Variants in LINGO2 observed in about 807,000 individuals in gnomAD.
The protein encoded by LINGO2 is leucine rich repeat and Ig domain containing 2, also known as leucine-rich repeat and immunoglobulin-like domain-containing nogo receptor-interacting protein 2.
In LINGO2, 14 loss-of-function variants were observed where a neutral mutation model predicts 30.6. That is an observed-to-expected ratio of 0.46 (90% confidence interval 0.30 to 0.72). The LOEUF is 0.72. Among genes scored for constraint, LINGO2 ranks in the 30% least tolerant of loss-of-function variants. LINGO2 has a pLI of 0.07. For synonymous variants in LINGO2, 317 were observed against 288.5 expected (o/e 1.10, Z -1.00); for missense variants, 729 against 751.7 (o/e 0.97, Z 0.35).
intron 1 of LINGO2, among the ~76,000 whole-genome samples, chr9:28,547,869 G>C (rs2135488198): frequency 6.6e-6 from 1 of 152,172 alleles, no homozygotes; most frequent in Admixed American, 6.5e-5. Flanking sequence ...AGAAAATAGG[G>C]GGAAGAGCAT....
intron 1 of LINGO2, among the ~76,000 whole-genome samples, chr9:28,536,582 T>G (rs1175579542): frequency 6.6e-6 from 1 of 152,086 alleles, no homozygotes; most frequent in African/African-American, 2.4e-5. Flanking sequence ...GATGATTGCA[T>G]GGGTCGCTGA....
chr9:28,430,109 C>CGCGCGTGTGTGTGT (rs569701444), intron 2 of LINGO2, among the ~76,000 whole-genome samples: 78 of 136,204 alleles, frequency 5.7e-4, no homozygotes, highest in South Asian at 2.0e-3. Context: ...CGCGCGCGCG[C>CGCGCGTGTGTGTGT]GTGTGTGTGT....
Position 28,102,677 on chromosome 9 carries a change from TA to T in LINGO2, c.-86-90273del, listed in dbSNP as rs1826452591. 3.9e-5 allele frequency among the ~76,000 whole-genome samples: 6 copies of T among 152,236 alleles called. No individual in the cohort carries two copies. The South Asian group carries it at 1.2e-3, about 32-fold the overall frequency. On this transcript the variant is annotated intron_variant, in intron 4 of 5. Transcript: ENST00000379992. Reference sequence around the variant, plus strand: ...CACTTACAACCCACAGTATCAGTGATAAATTGGGCATCCCAAACCATAAAGA... The same window carrying T: ...CACTTACAACCCACAGTATCAGTGATAATTGGGCATCCCAAACCATAAAGA...
intron 1 of LINGO2, among the ~76,000 whole-genome samples, chr9:28,544,082 A>G (rs867322435): frequency 6.6e-6 from 1 of 151,980 alleles, no homozygotes; most frequent in Non-Finnish European, 1.5e-5. Flanking sequence ...GTCTACCTGT[A>G]GTCCCAGCTG....
Position 28,581,243 on chromosome 9 carries a change from C to CTG in LINGO2, c.-365+88955_-365+88956dup, listed in dbSNP as rs137910018. Among the ~76,000 whole-genome samples the CTG allele has an allele frequency of 8.4e-3, 1,261 of 150,438 alleles. 16 individuals carry two copies. The highest frequency in any genetic ancestry group is 0.027 in the African/African-American group (1,126 of 41,220). ...AAACATTGTGTGCATTTGTGTGCCT[C>CTG]TGTGTGTGTGTGTGTGTTTAATGCC... is the stretch of plus-strand genomic sequence containing the variant. On this transcript the variant is annotated intron_variant, in intron 1 of 5. Coordinates refer to ENST00000379992, the Ensembl canonical transcript of LINGO2.
the LINGO2 span, among the ~76,000 whole-genome samples, chr9:29,095,724 G>A: frequency 7.2e-6 from 1 of 139,114 alleles, no homozygotes; most frequent in Non-Finnish European, 1.6e-5. Flanking sequence ...TGTTGGGACT[G>A]GGAGTCCTTC....
At chr9:29,004,780 C>T in the LINGO2 span, among the ~76,000 whole-genome samples, 3 of 151,642 alleles carry the variant, frequency 2.0e-5, no homozygotes, top group African/African-American at 7.3e-5. Context: ...ACACACAAAA[C>T]ATCAAGAAAT....
At chr9:28,836,842 ATAAG>A in the LINGO2 span, among the ~76,000 whole-genome samples, 230 of 152,312 alleles carry the variant, frequency 1.5e-3, no homozygotes, top group African/African-American at 5.3e-3. Context: ...ATAAAAACAA[ATAAG>A]TAAGAAAAAA....
chr9:29,147,162 T>C, the LINGO2 span, among the ~76,000 whole-genome samples: 3 of 152,112 alleles, frequency 2.0e-5, no homozygotes, highest in Non-Finnish European at 4.4e-5. Flanking sequence ...ATATTGCATA[T>C]TTAGTATTAA....
Position 28,184,114 on chromosome 9 carries a change from T to G in LINGO2, c.-87+111094A>C, listed in dbSNP as rs12683449. On this transcript the variant is annotated intron_variant, in intron 4 of 5. Coordinates refer to ENST00000379992, the Ensembl canonical transcript of LINGO2. ...AAGATCAACAAGGAATGCCAGGAAA[T>G]GCTCTCTAGAACCTGTATGGGGAAG... Among the ~76,000 whole-genome samples the G allele has an allele frequency of 1.2e-3, 183 of 152,208 alleles. 3 individuals are homozygous for G. The East Asian group carries it at 0.031, about 26-fold the overall frequency.
intron 1 of LINGO2, among the ~76,000 whole-genome samples, chr9:28,504,699 A>G (rs190048622): frequency 1.8e-4 from 28 of 151,832 alleles, no homozygotes; most frequent in Admixed American, 1.8e-3. Flanking sequence ...AAATTTTAAT[A>G]TTTTCAAGAT....
chr9:28,648,757 T>C (rs555871849), intron 1 of LINGO2, among the ~76,000 whole-genome samples: 9 of 152,070 alleles, frequency 5.9e-5, no homozygotes, highest in African/African-American at 9.7e-5. Context: ...TTGAAAAAAA[T>C]AAATAAATAA....
the LINGO2 span, among the ~76,000 whole-genome samples, chr9:28,810,807 C>T: frequency 6.6e-6 from 1 of 152,038 alleles, no homozygotes; most frequent in Non-Finnish European, 1.5e-5. Context: ...GGGTATTCTT[C>T]TGTTCTCTAG....
upstream of LINGO2, among the ~76,000 whole-genome samples, chr9:28,674,815 T>C (rs1384291129): frequency 6.6e-6 from 1 of 152,114 alleles, no homozygotes; most frequent in African/African-American, 2.4e-5. Flanking sequence ...ATTTCTTGGA[T>C]GATTGCATAA....
At chr9:28,625,181 G>C (rs1340405253) in intron 1 of LINGO2, among the ~76,000 whole-genome samples, 1 of 152,048 alleles carries the variant, frequency 6.6e-6, no homozygotes, top group Non-Finnish European at 1.5e-5. Flanking sequence ...ATTCCCTCTT[G>C]GTTAGGGCTG....
At chr9:27,986,947 A>G (rs1229178342) in intron 5 of LINGO2, among the ~76,000 whole-genome samples, 1 of 151,854 alleles carries the variant, frequency 6.6e-6, no homozygotes. Flanking sequence ...CTCAGTCAGC[A>G]AGACCTGCTC....
the LINGO2 span, among the ~76,000 whole-genome samples, chr9:28,992,880 T>G: frequency 2.0e-5 from 3 of 150,986 alleles, no homozygotes; most frequent in Non-Finnish European, 4.4e-5. Context: ...TAGAGGGAAA[T>G]TTATAGCACT....
chr9:28,884,399 A>G, the LINGO2 span, among the ~76,000 whole-genome samples: 1 of 152,144 alleles, frequency 6.6e-6, no homozygotes, highest in Non-Finnish European at 1.5e-5. Flanking sequence ...AATAATCACT[A>G]TCAGGGAAAG....
the LINGO2 span, among the ~76,000 whole-genome samples, chr9:29,010,359 G>C: frequency 6.6e-6 from 1 of 152,168 alleles, no homozygotes; most frequent in Non-Finnish European, 1.5e-5. Context: ...GAGAATGTGA[G>C]CAGGGAAGAG....
Sources: allele counts gnomAD v4.1 joint callset (sites outside exome capture counted in the v4.1 genomes callset), GRCh38; gene constraint gnomAD v4.1.1; transcripts MANE v1.5; gene names NCBI Gene and HGNC (gene_info 2026-07-23, HGNC 2026-07-21).